DNAH9: variants seen among roughly 807,000 people sequenced by gnomAD.
The protein encoded by DNAH9 is dynein axonemal heavy chain 9.
In DNAH9, 345 loss-of-function variants were observed where a neutral mutation model predicts 471.6. The observed-to-expected ratio is 0.73, with a 90% confidence interval of 0.67 to 0.80. The LOEUF (loss-of-function observed/expected upper bound fraction) is 0.80, where lower values mean the gene tolerates loss of function less well. Ranked by LOEUF, DNAH9 falls within the 30% of genes least tolerant of loss-of-function variation. The probability of loss-of-function intolerance (pLI) is 0.00; values close to 1 mark genes in which losing one functional copy is unlikely to be tolerated. For missense variants in DNAH9, 5,407 were observed against 5,609.2 expected, an observed-to-expected ratio of 0.96 and a Z score of 1.15; for synonymous variants, 2,093 against 2,123.6, an observed-to-expected ratio of 0.99 and a Z score of 0.40.
At chr17:11,940,260 G>C (rs994179858) in intron 66 of DNAH9, among the ~76,000 whole-genome samples, 1 of 152,182 alleles carries the variant, frequency 6.6e-6, no homozygotes. Context: ...ATACGTCTGT[G>C]GACCTGGGTC....
In DNAH9 at chr17:11,875,035, C is replaced by A; in HGVS notation, c.10329C>A (p.Leu3443=). The change falls in exon 53 of 69, where the codon CTC becomes CTA. Residue 3443 remains leucine (L), a synonymous_variant. Coordinates refer to ENST00000262442, the MANE Select transcript of DNAH9 (RefSeq NM_001372.4). ...TGGCTGCCTGGCAGAACGAGGGCCTCCCAGCCGACCGCATGTCCGTGGAGA... is the reference window on the plus strand; with the variant it reads ...TGGCTGCCTGGCAGAACGAGGGCCTACCAGCCGACCGCATGTCCGTGGAGA... The part of the protein sequence containing the change: ...ADVAAWQNEG[L]PADRMSVENA... The A allele has an allele frequency of 6.2e-7, 1 of 1,614,116 alleles. No homozygotes were observed.
At chr17:11,867,226 GA>G (rs1972093524) in intron 50 of DNAH9, among the ~76,000 whole-genome samples, 2 of 152,286 alleles carry the variant, frequency 1.3e-5, no homozygotes, top group Non-Finnish European at 2.9e-5. Context: ...TTCAGCTCTA[GA>G]AAATTATTTT....
chr17:11,848,789 T>C (rs893573965), intron 49 of DNAH9, among the ~76,000 whole-genome samples: 4 of 151,836 alleles, frequency 2.6e-5, no homozygotes, highest in Non-Finnish European at 4.4e-5. Context: ...ATTGTCCATA[T>C]ACAGACTTTT....
chr17:11,731,053 ATGG>A (rs1368230768), intron 28 of DNAH9, among the ~76,000 whole-genome samples: 1 of 150,256 alleles, frequency 6.7e-6, no homozygotes. Context: ...GATGATGGTG[ATGG>A]TGATGATGAT....
intron 14 of DNAH9, among the ~76,000 whole-genome samples, chr17:11,656,849 C>G (rs183849756): frequency 5.8e-4 from 88 of 152,242 alleles, no homozygotes; most frequent in Middle Eastern, 6.8e-3. Flanking sequence ...AGCAAGTTCT[C>G]TTTTGTGTCT....
chr17:11,666,106 GA>G (rs2073862170), intron 15 of DNAH9, among the ~76,000 whole-genome samples: 1 of 152,160 alleles, frequency 6.6e-6, no homozygotes, highest in African/African-American at 2.4e-5. Flanking sequence ...TGGAGCCTGG[GA>G]GCAACAAGCC....
chr17:11,705,142 C>G lies in DNAH9; in HGVS notation c.5509C>G (p.Leu1837Val). 6.2e-7 allele frequency: 1 copy of G among 1,614,174 alleles called. No homozygotes were observed. The highest frequency in any genetic ancestry group is 8.5e-7 in the Non-Finnish European group (1 of 1,180,002). ...CCAGTTTTTGTATTCCTATGAGTAC[C>G]TGGGAAACACACCTCGCTTGGTGAT... is the stretch of plus-strand genomic sequence containing the variant. ...DAQFLYSYEY[L>V]GNTPRLVITP... Residue 1837 changes from leucine to valine, a missense_variant, in exon 26 of 69, where the codon CTG becomes GTG. Leu to Val is a conservative substitution (Grantham distance 32, BLOSUM62 1). Transcript: ENST00000262442.
intron 61 of DNAH9, among the ~76,000 whole-genome samples, chr17:11,919,680 TAAACTC>T (rs1974073850): frequency 6.6e-6 from 1 of 152,084 alleles, no homozygotes; most frequent in Admixed American, 6.5e-5. Flanking sequence ...TATTAATACT[TAAACTC>T]AGAGTTGGGG....
chr17:11,779,339 T>C (rs1420998159), intron 38 of DNAH9, among the ~76,000 whole-genome samples: 1 of 152,172 alleles, frequency 6.6e-6, no homozygotes, highest in Non-Finnish European at 1.5e-5. Context: ...AACCCTCTTC[T>C]TCTCCTCCAA....
chr17:11,783,591 A>T, intron 39 of DNAH9, 55 bp from the exon 40 acceptor site: 1 of 1,412,084 alleles, frequency 7.1e-7, no homozygotes, highest in Non-Finnish European at 1.0e-6. Flanking sequence ...TTGACAAAGC[A>T]CTCACCTGCC....
rs2073933174 is a variant in DNAH9 at position 11,669,142 on chromosome 17, T to C, written c.2810T>C (p.Leu937Pro). The C allele has an allele frequency of 6.2e-7, 1 of 1,613,654 alleles. No individual in the cohort carries two copies. Among genetic ancestry groups the C allele is most frequent in the African/African-American group, 1.3e-5 (1 of 74,886 alleles). Residue 937 changes from leucine to proline, a missense_variant, in exon 16 of 69, where the codon CTG becomes CCG. Leu to Pro is a moderately conservative substitution (Grantham distance 98). Around this residue, in one of 3 missense-constraint regions of DNAH9, gnomAD observed 4,636 missense variants for 4,900.3 expected, o/e 0.95. Transcript: ENST00000262442. ...AIPELVFYPS[L>P]ESGVKGGFCD... ...CCAGAGCTAGTTTTCTATCCGTCTC[T>C]GGAGTCTGGAGTGAAGGGGGGTTTC...
In DNAH9 at chr17:11,704,446, G is replaced by T. The variant is rs774954443; in HGVS notation, c.5391+4G>T. On this transcript the variant is annotated splice_donor_region_variant and intron_variant, in intron 25 of 68. Transcript: ENST00000262442. The stretch of plus-strand genomic sequence containing the variant: ...AGCCAAGATGATTGCTCAGAAGGTG[G>T]GTCCCAAACATCCAGGGATGCCCAC... 6.2e-7 allele frequency: 1 copy of T among 1,612,176 alleles called. No homozygotes were observed. Among genetic ancestry groups the T allele is most frequent in the Non-Finnish European group, 8.5e-7 (1 of 1,179,748 alleles).
intron 36 of DNAH9, among the ~76,000 whole-genome samples, chr17:11,766,982 A>AG (rs1567787116): frequency 6.6e-6 from 1 of 150,412 alleles, no homozygotes. Flanking sequence ...AAAAAAAAAA[A>AG]AAAGAAAGAA....
rs374120092 is a variant in DNAH9 at position 11,800,363 on chromosome 17, C to CCT, written c.8420+2584_8420+2585dup. 9.3e-5 allele frequency among the ~76,000 whole-genome samples: 14 copies of CCT among 150,378 alleles called. No homozygotes were observed. In the East Asian group the frequency reaches 9.8e-4, roughly 11 times the overall value. On this transcript the variant is annotated intron_variant, in intron 43 of 68. Transcript: ENST00000262442. ...ACTTCACCTCTCGCTGTAATTATCT[C>CCT]CTCTCTCTCTCTCTCCTTCTCCCTC...
Position 11,701,235 on chromosome 17 carries a change from C to T in DNAH9, c.5139C>T (p.Asp1713=), listed in dbSNP as rs1021046520. The T allele has an allele frequency of 1.4e-5, 23 of 1,613,226 alleles. No individual in the cohort carries two copies. Among genetic ancestry groups the T allele is most frequent in the East Asian group, 2.2e-5 (1 of 44,868 alleles). ...AGCCGAGGGAGCAGTGGCTTTTTGA[C>T]CACCCAGCTCAGGTATTCTCCTAAT... ...EEKPREQWLF[D]HPAQVALTCT... The change falls in exon 24 of 69, where the codon GAC becomes GAT. Residue 1713 remains aspartate (D), a synonymous_variant. Transcript: ENST00000262442.
At chr17:11,721,620 GGA>G (rs146026495) in intron 27 of DNAH9, among the ~76,000 whole-genome samples, 4 of 150,644 alleles carry the variant, frequency 2.7e-5, no homozygotes, top group African/African-American at 4.9e-5. Flanking sequence ...GGAGAGAGAG[GGA>G]GAGAGAGAGA....
intron 67 of DNAH9, 94 bp from the exon 68 acceptor site, chr17:11,961,773 G>A: frequency 7.1e-7 from 1 of 1,413,084 alleles, no homozygotes; most frequent in African/African-American, 1.4e-5. Flanking sequence ...ACTCTTGTCT[G>A]CCTGGGTGCC....
At position 11,781,121 on chromosome 17, in the gene DNAH9, CG is replaced by C; in HGVS notation, c.7668del (p.Thr2557ArgfsTer25). ...DMNMPEVDAYGTVQPHTIIRQ... is the reference protein window; with the variant it reads ...DMNMPEVDAYXTVQPHTIIRQ... ...TGAACATGCCTGAGGTGGATGCCTACGGGACGGTGCAGCCCCACACCATCAT... is the reference window on the plus strand; with the variant it reads ...TGAACATGCCTGAGGTGGATGCCTACGGACGGTGCAGCCCCACACCATCAT... On this transcript the variant is annotated frameshift_variant, in exon 39 of 69. Coordinates refer to ENST00000262442, the MANE Select transcript of DNAH9 (RefSeq NM_001372.4). LOFTEE classifies it high-confidence loss of function. The C allele has an allele frequency of 6.8e-6, 11 of 1,614,184 alleles. No homozygotes were observed. Among genetic ancestry groups the C allele is most frequent in the Non-Finnish European group, 9.3e-6 (11 of 1,180,042 alleles).
At chr17:11,898,647 T>C (rs1320787530) in intron 59 of DNAH9, among the ~76,000 whole-genome samples, 2 of 152,224 alleles carry the variant, frequency 1.3e-5, no homozygotes, top group African/African-American at 2.4e-5. Context: ...ATAGTCGATA[T>C]GGATTGTACT....
Sources: gnomAD v4.1 joint callset for allele counts (sites outside exome capture counted in the v4.1 genomes callset) on GRCh38, gnomAD v4.1.1 for gene constraint, gnomAD v4.1.1 regional missense constraint, MANE v1.5 for transcripts, NCBI Gene and HGNC (gene_info 2026-07-23, HGNC 2026-07-21) for gene names.